The following ELP6 variants were observed in gnomAD, a reference collection of about 807,000 sequenced individuals.
ELP6 encodes the protein elongator complex protein 6.
ELP6 carries 23 observed loss-of-function variants against 28.1 expected under a neutral mutation model. The ratio of observed to expected loss-of-function variants is 0.82; its 90% CI spans 0.59 to 1.16. ELP6 has a LOEUF of 1.16. Ranked by LOEUF, ELP6 falls within the 50% of genes most tolerant of loss-of-function variation. ELP6 has a pLI of 0.00. For synonymous variants in ELP6, 132 were observed against 135.8 expected (o/e 0.97, Z 0.19); for missense variants, 313 against 334.6 (o/e 0.94, Z 0.50).
rs769912824 is a variant in ELP6, at chr3:47,501,717, C to A, written c.458G>T (p.Gly153Val). The part of the protein sequence containing the change: ...VDDLSVLLSL[G>V]MGAVAVLDFI... ...GTCTAGCACAGCCACCGCCCCCATG[C>A]CCAGGCTCAGGAGCACACTGAGGTC... The change falls in exon 5 of 7, where the codon GGC becomes GTC. Residue 153 changes from glycine to valine, a missense_variant. By Grantham distance (109) the Gly-to-Val change is moderately radical (BLOSUM62 -3). Coordinates refer to ENST00000296149, the MANE Select transcript of ELP6 (RefSeq NM_001031703.3). 2 of 1,614,034 alleles carry A rather than the reference C, an allele frequency of 1.2e-6. No individual in the cohort carries two copies. Among genetic ancestry groups the A allele is most frequent in the Non-Finnish European group, 1.7e-6 (2 of 1,179,984 alleles).
chr3:47,504,338 C>T lies in ELP6; in HGVS notation c.315G>A (p.Gln105=). ...GCTGTAGGCTGACTGACCTGAGAAA[C>T]TGCAGGGGGTGTGGCTCCTTTTGAG... is the stretch of plus-strand genomic sequence containing the variant. ...FQAQKEPHPL[Q]FLREANAGNL... is the part of the protein sequence containing the mutation. Residue 105 remains glutamine, a synonymous_variant, in exon 4 of 7, where the codon CAG becomes CAA. Transcript: ENST00000296149. 1 of 1,606,400 alleles carries T rather than the reference C, an allele frequency of 6.2e-7. No homozygotes were observed. The highest frequency in any genetic ancestry group is 1.7e-4 in the Middle Eastern group (1 of 6,014).
chr3:47,499,424 CAGG>C (rs1198186391), intron 5 of ELP6, among the ~76,000 whole-genome samples: 1 of 150,782 alleles, frequency 6.6e-6, no homozygotes, highest in Non-Finnish European at 1.5e-5. Context: ...GAGGCTGTGG[CAGG>C]AGAATTGCTT....
chr3:47,498,662 A>G, intron 5 of ELP6: 1 of 985,388 alleles, frequency 1.0e-6, no homozygotes, highest in Non-Finnish European at 1.2e-6. Context: ...TTTTCAGCTC[A>G]CTTCATCTAA....
At chr3:47,510,820 A>G (rs929146203) in intron 2 of ELP6, among the ~76,000 whole-genome samples, 19 of 152,168 alleles carry the variant, frequency 1.2e-4, no homozygotes, top group Non-Finnish European at 5.9e-5. Context: ...AATGGGGTCG[A>G]GTGCCCAGAG....
At position 47,504,220 on chromosome 3, in the gene ELP6, A is replaced by G. The variant is rs1283547477; in HGVS notation, c.323+110T>C. ...ACCAGATGAAGTGTCTGACTCCTGA[A>G]GCCAGTTCCATCCTCCTGCACAATA... On this transcript the variant is annotated intron_variant, in intron 4 of 6. Transcript: ENST00000296149. The G allele has an allele frequency of 2.2e-6, 3 of 1,357,664 alleles. No homozygotes were observed. The East Asian group carries it at 7.7e-5, about 35-fold the overall frequency. The allele number at this position is 1,357,664 out of a possible 1,614,324, so 84.1% of individuals were successfully genotyped here.
intron 3 of ELP6, among the ~76,000 whole-genome samples, chr3:47,505,954 T>G (rs1341498098): frequency 6.6e-6 from 1 of 152,166 alleles, no homozygotes; most frequent in Non-Finnish European, 1.5e-5. Context: ...GTGATCCACC[T>G]GCCGATATCA....
chr3:47,498,565 C>T, intron 5 of ELP6, 133 bp from the exon 6 acceptor site: 2 of 1,509,144 alleles, frequency 1.3e-6, no homozygotes, highest in Admixed American at 4.1e-5. Context: ...CTGCTACAGC[C>T]AGCCCCTACC....
intron 3 of ELP6, 153 bp from the exon 4 acceptor site, chr3:47,504,601 C>T (rs138606827): frequency 8.1e-6 from 8 of 985,376 alleles, no homozygotes; most frequent in Middle Eastern, 5.2e-4. Flanking sequence ...CCCCTGGGTG[C>T]TCCCAAACCC....
chr3:47,507,460 T>C (rs1708874303), intron 3 of ELP6, among the ~76,000 whole-genome samples: 1 of 151,256 alleles, frequency 6.6e-6, no homozygotes, highest in African/African-American at 2.4e-5. Flanking sequence ...GGAATGGTGA[T>C]ACATTCTAAA....
rs1272080940 is a variant in ELP6 at position 47,498,411 on chromosome 3, G to A, written c.547C>T (p.His183Tyr). 1 of 1,612,822 alleles carries A rather than the reference G, an allele frequency of 6.2e-7. No homozygotes were observed. Among genetic ancestry groups the A allele is most frequent in the Non-Finnish European group, 8.5e-7 (1 of 1,180,022 alleles). Residue 183 changes from histidine (H) to tyrosine (Y), a missense_variant, in exon 6 of 7, where the codon CAC becomes TAC. By Grantham distance (83) the His-to-Tyr change is moderately conservative. Transcript: ENST00000296149. The stretch of plus-strand genomic sequence containing the variant: ...TCATCCTCCGCATCTCCACTGTCGT[G>A]CACAAGGACCACCATGTTTCCCTGC... ...ELKGNMVVLV[H>Y]DSGDAEDEEN...
chr3:47,501,938 G>T, intron 4 of ELP6, 87 bp from the exon 5 acceptor site: 1 of 1,252,238 alleles, frequency 8.0e-7, no homozygotes, highest in Non-Finnish European at 1.1e-6. Flanking sequence ...AGAGGGCTAA[G>T]GGGGACAAAG....
At position 47,505,083 on chromosome 3, in the gene ELP6, C is replaced by T. The variant is rs145063677; in HGVS notation, c.205-635G>A. ...GGAGTTCAAGACTAGCCTGGCCAACCTGGTGAAACCCCATCTCTACTAAAA... is the reference window on the plus strand; with the variant it reads ...GGAGTTCAAGACTAGCCTGGCCAACTTGGTGAAACCCCATCTCTACTAAAA... On this transcript the variant is annotated intron_variant, in intron 3 of 6. Transcript: ENST00000296149. 1.8e-3 allele frequency among the ~76,000 whole-genome samples: 276 copies of T among 151,876 alleles called. 2 individuals are homozygous for T. The highest frequency in any genetic ancestry group is 6.4e-3 in the African/African-American group (264 of 41,408).
chr3:47,508,736 A>G (rs913995314), intron 3 of ELP6, among the ~76,000 whole-genome samples: 37 of 141,446 alleles, frequency 2.6e-4, no homozygotes, highest in African/African-American at 9.2e-4. Context: ...GGGGTGGGGG[A>G]GTTGCATCTC....
At position 47,511,182 on chromosome 3, in the gene ELP6, G is replaced by A; in HGVS notation, c.99C>T (p.Phe33=). 2 of 1,614,056 alleles carry A rather than the reference G, an allele frequency of 1.2e-6. No homozygotes were observed. Among genetic ancestry groups the A allele is most frequent in the Non-Finnish European group, 8.5e-7 (1 of 1,179,984 alleles). ...AGAAGGAGAGAAAGTGGTGTACAAG[G>A]AAACTCCCATCTGTCTTGGCATCAC... ...LLCDAKTDGS[F]LVHHFLSFYL... is the part of the protein sequence containing the mutation. The change falls in exon 2 of 7, where the codon TTC becomes TTT. Residue 33 remains phenylalanine, a synonymous_variant. Transcript: ENST00000296149.
At chr3:47,509,789 G>A (rs1409740813) in intron 3 of ELP6, among the ~76,000 whole-genome samples, 1 of 128,116 alleles carries the variant, frequency 7.8e-6, no homozygotes, top group Non-Finnish European at 1.7e-5. Flanking sequence ...TTTTTTTTTT[G>A]AGACAGAGTC....
rs575192064 is a variant in ELP6, at chr3:47,511,286, A to C, written c.55-60T>G. 1.8e-5 allele frequency: 28 copies of C among 1,578,142 alleles called. No homozygotes were observed. In the East Asian group the frequency reaches 5.8e-4, roughly 33 times the overall value. On this transcript the variant is annotated intron_variant, in intron 1 of 6. Transcript: ENST00000296149. ...CCCTGGAAAGAGGTCAGCTTAGTGC[A>C]GAAATCTAGTCAATTGTGTCCACAC...
chr3:47,503,354 T>A (rs1419332416), intron 4 of ELP6: 1 of 1,289,788 alleles, frequency 7.8e-7, no homozygotes, highest in South Asian at 1.2e-5. Context: ...GAGCTATGTT[T>A]GTGGCCAATG....
intron 6 of ELP6, chr3:47,496,899 T>C: frequency 1.0e-6 from 1 of 985,386 alleles, no homozygotes; most frequent in Non-Finnish European, 1.2e-6. Flanking sequence ...GAAGGCTAGA[T>C]ACCTGTTTTG....
At chr3:47,500,341 G>A in intron 5 of ELP6, 3 of 658,774 alleles carry the variant, frequency 4.6e-6, no homozygotes, top group Non-Finnish European at 5.7e-6. Context: ...CCTGAGCCCA[G>A]GAGTTCAAGA....
Sources: gnomAD v4.1 joint callset for allele counts (sites outside exome capture counted in the v4.1 genomes callset) on GRCh38, gnomAD v4.1.1 for gene constraint, MANE v1.5 for transcripts, NCBI Gene and HGNC (gene_info 2026-07-23, HGNC 2026-07-21) for gene names.